SLC12A8: variants seen among roughly 807,000 people sequenced by gnomAD.
SLC12A8 encodes the protein solute carrier family 12 member 8.
A neutral mutation model predicts 75.6 loss-of-function variants in SLC12A8; 69 were observed. That is an observed-to-expected ratio of 0.91 (90% confidence interval 0.75 to 1.11). The LOEUF is 1.11. Among genes scored for constraint, SLC12A8 ranks in the 50% most tolerant of loss-of-function variants. SLC12A8 has a pLI of 0.00. For missense variants in SLC12A8, 877 were observed against 896.7 expected (o/e 0.98, Z 0.28); for synonymous variants, 365 against 372.8 (o/e 0.98, Z 0.24).
intron 8 of SLC12A8, among the ~76,000 whole-genome samples, chr3:125,114,470 G>A (rs1010391423): frequency 6.6e-6 from 1 of 152,210 alleles, no homozygotes; most frequent in Non-Finnish European, 1.5e-5. Context: ...TGTTGCCCAG[G>A]CTGGAGTGCA....
intron 8 of SLC12A8, among the ~76,000 whole-genome samples, chr3:125,111,439 C>T (rs931913628): frequency 2.0e-5 from 3 of 152,212 alleles, no homozygotes; most frequent in Non-Finnish European, 2.9e-5. Context: ...TGAATTCACC[C>T]TCCTGGGCCA....
chr3:125,182,862 C>T (rs950361407), intron 4 of SLC12A8, among the ~76,000 whole-genome samples: 8 of 152,160 alleles, frequency 5.3e-5, no homozygotes, highest in Admixed American at 5.2e-4. Context: ...TCCATAAATA[C>T]ATGTGTATAA....
intron 5 of SLC12A8, among the ~76,000 whole-genome samples, chr3:125,162,525 TC>T (rs748488332): frequency 3.3e-5 from 5 of 152,154 alleles, no homozygotes; most frequent in Non-Finnish European, 5.9e-5. Flanking sequence ...CAGCCCCAAC[TC>T]CACCTCCTGG....
intron 10 of SLC12A8, among the ~76,000 whole-genome samples, chr3:125,100,793 C>A (rs1386950170): frequency 6.8e-6 from 1 of 147,990 alleles, no homozygotes; most frequent in African/African-American, 2.5e-5. Context: ...GTGGGTGGAT[C>A]ATGAGGTCAG....
chr3:125,141,693 C>T (rs1288418712), intron 5 of SLC12A8, among the ~76,000 whole-genome samples: 1 of 149,128 alleles, frequency 6.7e-6, no homozygotes, highest in Admixed American at 6.7e-5. Context: ...CTGCGGGCTG[C>T]GGGCTGCGGG....
chr3:125,094,423 T>C (rs1938662088), intron 10 of SLC12A8, among the ~76,000 whole-genome samples: 1 of 152,130 alleles, frequency 6.6e-6, no homozygotes, highest in African/African-American at 2.4e-5. Context: ...AAGAGAACTT[T>C]TCATGTTCTC....
At chr3:125,177,668 G>T in intron 5 of SLC12A8, 75 bp downstream of exon 5, 1 of 1,231,012 alleles carries the variant, frequency 8.1e-7, no homozygotes, top group Non-Finnish European at 1.2e-6. Context: ...GATGGGGTGG[G>T]CAAACTCACA....
At chr3:125,125,977 G>C in intron 6 of SLC12A8, 1 of 978,298 alleles carries the variant, frequency 1.0e-6, no homozygotes, top group Non-Finnish European at 1.2e-6. Context: ...GTGCTGGATT[G>C]ATGGCATTTC....
chr3:125,187,728 T>A (rs1439740211), intron 3 of SLC12A8, among the ~76,000 whole-genome samples: 1 of 152,128 alleles, frequency 6.6e-6, no homozygotes, highest in Non-Finnish European at 1.5e-5. Context: ...ACTTTGTGCC[T>A]GACGTGCAGC....
intron 2 of SLC12A8, among the ~76,000 whole-genome samples, chr3:125,196,919 C>A (rs181771735): frequency 2.6e-5 from 4 of 152,148 alleles, no homozygotes; most frequent in Admixed American, 2.0e-4. Context: ...ACAAAGGAGA[C>A]CTTGTCTCAA....
At chr3:125,168,440 G>A (rs764154107) in intron 5 of SLC12A8, among the ~76,000 whole-genome samples, 13 of 152,194 alleles carry the variant, frequency 8.5e-5, no homozygotes, top group Non-Finnish European at 1.5e-5. Context: ...CTGGCGATAT[G>A]AGAGCTATAT....
chr3:125,195,599 T>C (rs1934995037), intron 2 of SLC12A8, among the ~76,000 whole-genome samples: 1 of 151,864 alleles, frequency 6.6e-6, no homozygotes, highest in Non-Finnish European at 1.5e-5. Flanking sequence ...TCTGTTGTTT[T>C]TTTTTTTTCT....
At chr3:125,108,365 T>C (rs1402216434) in intron 9 of SLC12A8, among the ~76,000 whole-genome samples, 2 of 139,670 alleles carry the variant, frequency 1.4e-5, no homozygotes, top group Non-Finnish European at 3.1e-5. Context: ...CATTAGCAAC[T>C]TTTTTTTTTT....
At chr3:125,170,787 C>T (rs1451663310) in intron 5 of SLC12A8, among the ~76,000 whole-genome samples, 7 of 152,090 alleles carry the variant, frequency 4.6e-5, no homozygotes, top group African/African-American at 9.7e-5. Context: ...TGGTGGCGGG[C>T]GCCTGTAGTC....
chr3:125,148,513 G>T (rs1450991118), intron 5 of SLC12A8, among the ~76,000 whole-genome samples: 8 of 145,584 alleles, frequency 5.5e-5, no homozygotes, highest in Non-Finnish European at 1.2e-4. Context: ...GAGTGGGGTG[G>T]GGGGCCCACG....
In SLC12A8 at chr3:125,100,643, G is replaced by C. The variant is rs189408431; in HGVS notation, c.1705+6838C>G. On this transcript the variant is annotated intron_variant, in intron 10 of 13. Coordinates refer to ENST00000469902, the MANE Select transcript of SLC12A8 (RefSeq NM_024628.6). ...GGCTGGTCTCGAACTCCTGACCTCA[G>C]GTGATCCACCTGCCTTGGCCTCCCA... 4.8e-4 allele frequency among the ~76,000 whole-genome samples: 73 copies of C among 151,330 alleles called. 1 individual carries two copies. The highest frequency in any genetic ancestry group is 1.7e-3 in the African/African-American group (69 of 41,430).
intron 5 of SLC12A8, among the ~76,000 whole-genome samples, chr3:125,139,354 T>C (rs1933571697): frequency 6.6e-6 from 1 of 152,216 alleles, no homozygotes; most frequent in South Asian, 2.1e-4. Context: ...AGGCAGGGCA[T>C]TGGATCTGGT....
At chr3:125,178,105 AC>A in intron 4 of SLC12A8, 131 bp from the exon 5 acceptor site, 1 of 759,212 alleles carries the variant, frequency 1.3e-6, no homozygotes, top group Non-Finnish European at 2.2e-6. Flanking sequence ...AGTGCCTGGG[AC>A]CAGTGCAGGG....
At chr3:125,113,989 G>A (rs1316836332) in intron 8 of SLC12A8, among the ~76,000 whole-genome samples, 3 of 152,122 alleles carry the variant, frequency 2.0e-5, no homozygotes, top group Admixed American at 2.0e-4. Flanking sequence ...TAACTGGGGA[G>A]TGCACCCTAA....
Sources: allele counts gnomAD v4.1 joint callset (sites outside exome capture counted in the v4.1 genomes callset), GRCh38; gene constraint gnomAD v4.1.1; transcripts MANE v1.5; gene names NCBI Gene and HGNC (gene_info 2026-07-23, HGNC 2026-07-21).